CASZ1: variants seen among roughly 807,000 people sequenced by gnomAD.
The protein encoded by CASZ1 is zinc finger protein castor homolog 1.
Under a neutral mutation model 135.2 loss-of-function variants are expected in CASZ1, and 28 were observed. The ratio of observed to expected loss-of-function variants is 0.21; its 90% CI spans 0.15 to 0.28. CASZ1 has a LOEUF of 0.28. Ranked by LOEUF, CASZ1 falls within the 10% of genes least tolerant of loss-of-function variation. The pLI, the probability that CASZ1 is intolerant of heterozygous loss-of-function variation, is 1.00. For missense variants in CASZ1, 2,161 were observed against 2,453.3 expected (o/e 0.88, Z 2.52); for synonymous variants, 1,068 against 1,073.4 (o/e 0.99, Z 0.10).
chr1:10,641,743 C>T (rs538334768), intron 20 of CASZ1, among the ~76,000 whole-genome samples: 78 of 152,340 alleles, frequency 5.1e-4, no homozygotes, highest in African/African-American at 1.8e-3. Flanking sequence ...CCTACAGGGC[C>T]TCCGGCAGGA....
intron 4 of CASZ1, among the ~76,000 whole-genome samples, chr1:10,671,274 T>C (rs1462738468): frequency 6.6e-6 from 1 of 151,960 alleles, no homozygotes; most frequent in Non-Finnish European, 1.5e-5. Context: ...CCAGGGGAGA[T>C]TTAAAACACA....
intron 2 of CASZ1, among the ~76,000 whole-genome samples, chr1:10,746,310 C>CA (rs1297574572): frequency 6.6e-6 from 1 of 151,768 alleles, no homozygotes; most frequent in Non-Finnish European, 1.5e-5. Flanking sequence ...AGAACTCGGC[C>CA]AAAAAGAAAA....
At chr1:10,685,176 C>T (rs1170956750) in intron 4 of CASZ1, among the ~76,000 whole-genome samples, 1 of 152,246 alleles carries the variant, frequency 6.6e-6, no homozygotes, top group Non-Finnish European at 1.5e-5. Flanking sequence ...AGGCATCTGG[C>T]AATGACTTCA....
rs560846886 is a variant in CASZ1, at chr1:10,697,884, T to C, written c.-23-3972A>G. On this transcript the variant is annotated intron_variant, in intron 3 of 20. Transcript: ENST00000377022. This position sits in a 1 kb window ranked among gnomAD's most constrained non-coding sequence, Gnocchi z 4.7. ...CGCACCTGCGAGGGAGTCCGTGTGT[T>C]TGCGTGTGAGCCCGCTCCGGGGCCG... Among the ~76,000 whole-genome samples the C allele has an allele frequency of 6.6e-6, 1 of 152,340 alleles. No individual in the cohort carries two copies. Among genetic ancestry groups the C allele is most frequent in the South Asian group, 2.1e-4 (1 of 4,826 alleles).
rs141461577 is a variant in CASZ1, at chr1:10,649,201, A to G, written c.3036-9T>C. On this transcript the variant is annotated splice_polypyrimidine_tract_variant and intron_variant, in intron 14 of 20. Coordinates refer to ENST00000377022, the MANE Select transcript of CASZ1 (RefSeq NM_001079843.3). ...AGTCCTTTGTACCAAACCTAGCCAGAGGAGCTGGCGTTAGAGGAGAGCCTG... is the reference window on the plus strand; with the variant it reads ...AGTCCTTTGTACCAAACCTAGCCAGGGGAGCTGGCGTTAGAGGAGAGCCTG... 1.9e-6 allele frequency: 3 copies of G among 1,613,266 alleles called. No individual in the cohort carries two copies. The highest frequency in any genetic ancestry group is 2.5e-6 in the Non-Finnish European group (3 of 1,179,770).
At chr1:10,672,168 G>C (rs528782099) in intron 4 of CASZ1, among the ~76,000 whole-genome samples, 1 of 151,818 alleles carries the variant, frequency 6.6e-6, no homozygotes, top group East Asian at 2.0e-4. Flanking sequence ...TTTCCTCTCT[G>C]AAAACAACTG....
Position 10,650,948 on chromosome 1 carries a change from C to T in CASZ1, c.2809G>A (p.Glu937Lys). The T allele has an allele frequency of 1.2e-6, 2 of 1,603,778 alleles. No individual in the cohort carries two copies. The highest frequency in any genetic ancestry group is 1.7e-6 in the Non-Finnish European group (2 of 1,177,504). ...TAGGGGGCCTCGCCTCACCTGGGCTCCTTCACAGTCAGGTCTAGACTGCGG... is the reference window on the plus strand; with the variant it reads ...TAGGGGGCCTCGCCTCACCTGGGCTTCTTCACAGTCAGGTCTAGACTGCGG... ...QDRSLDLTVKEPSNESNGHAV... is the reference protein window; with the variant it reads ...QDRSLDLTVKKPSNESNGHAV... Residue 937 changes from glutamate to lysine, a missense_variant, in exon 12 of 21, where the codon GAG (glutamate) becomes AAG (lysine). Glu to Lys is a moderately conservative substitution (Grantham distance 56). Coordinates refer to ENST00000377022, the MANE Select transcript of CASZ1 (RefSeq NM_001079843.3).
chr1:10,734,130 C>G (rs1164756912), intron 2 of CASZ1, among the ~76,000 whole-genome samples: 3 of 152,078 alleles, frequency 2.0e-5, no homozygotes, highest in Non-Finnish European at 2.9e-5. Context: ...GAGGGGACAA[C>G]CCCAGGGCCT....
chr1:10,732,214 A>G (rs1464971314), intron 2 of CASZ1, among the ~76,000 whole-genome samples: 1 of 151,604 alleles, frequency 6.6e-6, no homozygotes, highest in Admixed American at 6.6e-5. Flanking sequence ...AGTCCTAGCT[A>G]CTTGGGAGGC....
chr1:10,750,995 T>C (rs184622238), intron 2 of CASZ1, among the ~76,000 whole-genome samples: 11 of 151,630 alleles, frequency 7.3e-5, no homozygotes, highest in South Asian at 2.1e-4. Context: ...AGCTGCTGCG[T>C]GTGGAGTGAT....
At chr1:10,770,964 G>C (rs1443989156) in intron 1 of CASZ1, among the ~76,000 whole-genome samples, 2 of 152,152 alleles carry the variant, frequency 1.3e-5, no homozygotes, top group Admixed American at 1.3e-4. Flanking sequence ...GGAGAGACGT[G>C]CTTTTCCCAG....
chr1:10,655,879 C>A, intron 8 of CASZ1, 66 bp from the exon 9 acceptor site: 1 of 1,535,920 alleles, frequency 6.5e-7, no homozygotes, highest in South Asian at 1.1e-5. Context: ...TCCCATATGC[C>A]AAGAGCACCT....
In CASZ1 at chr1:10,766,066, T is replaced by C. The variant is rs112357126; in HGVS notation, c.-233-5209A>G. On this transcript the variant is annotated intron_variant, in intron 1 of 20. Transcript: ENST00000377022. ...GGTGAAGCTTGGGTGAGGGGATGTG[T>C]GGGGGTTGGGGAGACATGCTCCACC... Among the ~76,000 whole-genome samples the C allele has an allele frequency of 8.3e-3, 1,269 of 152,054 alleles. 15 individuals carry two copies. The highest frequency in any genetic ancestry group is 0.027 in the African/African-American group (1,106 of 41,474).
At chr1:10,678,051 T>A (rs148200651) in intron 4 of CASZ1, among the ~76,000 whole-genome samples, 25 of 152,192 alleles carry the variant, frequency 1.6e-4, no homozygotes, top group Middle Eastern at 3.4e-3. Flanking sequence ...TTCCAATGTG[T>A]GTTGATGGGG....
chr1:10,645,161 C>A, intron 17 of CASZ1, 73 bp from the exon 18 acceptor site: 1 of 1,333,724 alleles, frequency 7.5e-7, no homozygotes, highest in Non-Finnish European at 1.1e-6. Flanking sequence ...GGGCCTGAGG[C>A]TGTGGTGGGC....
chr1:10,792,643 A>T (rs982082412), intron 1 of CASZ1, among the ~76,000 whole-genome samples: 2 of 150,898 alleles, frequency 1.3e-5, no homozygotes, highest in Non-Finnish European at 2.9e-5. Flanking sequence ...AAACAAGATA[A>T]TTTTTTTCTG....
At chr1:10,761,422 C>T (rs1640372515) in intron 1 of CASZ1, among the ~76,000 whole-genome samples, 1 of 152,206 alleles carries the variant, frequency 6.6e-6, no homozygotes, top group Non-Finnish European at 1.5e-5. Context: ...TTAATTTCTT[C>T]TGGCTTTCCT....
At chr1:10,749,542 C>T (rs951345492) in intron 2 of CASZ1, among the ~76,000 whole-genome samples, 8 of 152,116 alleles carry the variant, frequency 5.3e-5, no homozygotes, top group South Asian at 2.1e-4. Context: ...CCACCACGCC[C>T]GGCCTATCTT....
chr1:10,700,913 A>G lies in CASZ1; in HGVS notation c.-24+4579T>C, dbSNP rs1283119890. 6.6e-6 allele frequency among the ~76,000 whole-genome samples: 1 copy of G among 152,216 alleles called. No individual in the cohort carries two copies. The highest frequency in any genetic ancestry group is 1.5e-5 in the Non-Finnish European group (1 of 68,040). Reference sequence around the variant, plus strand: ...GTGAATTTTATGGTATATGAATGATATCTCAATAAAGCGGTTATTAAAAAG... The same window carrying G: ...GTGAATTTTATGGTATATGAATGATGTCTCAATAAAGCGGTTATTAAAAAG... On this transcript the variant is annotated intron_variant, in intron 3 of 20. Coordinates refer to ENST00000377022, the MANE Select transcript of CASZ1 (RefSeq NM_001079843.3). This position sits in a 1 kb window ranked among gnomAD's most constrained non-coding sequence, Gnocchi z 4.2.
Sources: allele counts gnomAD v4.1 joint callset (sites outside exome capture counted in the v4.1 genomes callset), GRCh38; gene constraint gnomAD v4.1.1; non-coding constraint Gnocchi (gnomAD v3.1); transcripts MANE v1.5; gene names NCBI Gene and HGNC (gene_info 2026-07-23, HGNC 2026-07-21).